Variants in PEX5L observed in about 807,000 individuals in gnomAD.
PEX5L encodes the protein peroxisomal biogenesis factor 5 like, also known as PEX5-related protein.
PEX5L carries 30 observed loss-of-function variants against 84.0 expected under a neutral mutation model. The observed-to-expected ratio is 0.36, with a 90% CI of 0.27 to 0.48. PEX5L has a LOEUF of 0.48. PEX5L is among the 20% of genes least tolerant of loss of function. PEX5L has a pLI of 0.99. For synonymous variants in PEX5L, 270 were observed against 283.1 expected, an observed-to-expected ratio of 0.95 and a Z score of 0.46; for missense variants, 533 against 754.6, an observed-to-expected ratio of 0.71 and a Z score of 3.44.
intron 1 of PEX5L, among the ~76,000 whole-genome samples, chr3:179,984,527 G>T (rs1786625155): frequency 6.6e-6 from 1 of 151,942 alleles, no homozygotes; most frequent in Non-Finnish European, 1.5e-5. Context: ...AGATCTTTGG[G>T]GTATTCAATA....
At chr3:179,882,404 G>C (rs73176208) in intron 4 of PEX5L, among the ~76,000 whole-genome samples, 1,541 of 152,302 alleles carry the variant, frequency 0.01, 17 homozygotes, top group Non-Finnish European at 0.016. Flanking sequence ...TCCTGTATTT[G>C]TTCTGAGCTC....
chr3:179,840,738 G>A (rs2109350696), intron 8 of PEX5L, among the ~76,000 whole-genome samples: 1 of 152,276 alleles, frequency 6.6e-6, no homozygotes, highest in East Asian at 1.9e-4. Context: ...TGCTGCATTA[G>A]CTGGGAGCCT....
intron 8 of PEX5L, among the ~76,000 whole-genome samples, chr3:179,839,595 G>T (rs754107683): frequency 1.3e-5 from 2 of 152,150 alleles, no homozygotes; most frequent in Non-Finnish European, 2.9e-5. Flanking sequence ...ATTCACAGAA[G>T]GTTGAGTTCT....
At chr3:179,924,280 G>A (rs1034882385) in intron 2 of PEX5L, among the ~76,000 whole-genome samples, 2 of 152,116 alleles carry the variant, frequency 1.3e-5, no homozygotes, top group South Asian at 2.1e-4. Context: ...TCTCTGCCAC[G>A]TACTGTAGTT....
intron 2 of PEX5L, among the ~76,000 whole-genome samples, chr3:179,944,309 T>C (rs1776936293): frequency 6.6e-6 from 1 of 152,198 alleles, no homozygotes; most frequent in Non-Finnish European, 1.5e-5. Flanking sequence ...AAGAGACTTT[T>C]GCTCAACAAA....
intron 14 of PEX5L, among the ~76,000 whole-genome samples, chr3:179,807,449 C>T (rs1158921876): frequency 3.3e-5 from 5 of 152,164 alleles, no homozygotes; most frequent in Non-Finnish European, 7.3e-5. Context: ...TCTGCATTTC[C>T]CAAGATGCGG....
chr3:180,008,293 A>T (rs945784091), intron 1 of PEX5L, among the ~76,000 whole-genome samples: 2 of 152,222 alleles, frequency 1.3e-5, no homozygotes, highest in African/African-American at 4.8e-5. Flanking sequence ...AGTTCCCAAC[A>T]AGTGCCTCAT....
chr3:179,819,981 G>A lies in PEX5L; in HGVS notation c.823-5C>T, dbSNP rs761953253. 3 of 1,612,820 alleles carry A rather than the reference G, an allele frequency of 1.9e-6. No individual in the cohort carries two copies. The Admixed American group carries it at 5.0e-5, about 27-fold the overall frequency. ...ATCCCAAAACTCTGTATCTGACTGG[G>A]AGACAGGAAAAATGAATGGAGATGG... On this transcript the variant is annotated splice_region_variant and splice_polypyrimidine_tract_variant and intron_variant, in intron 8 of 14. Transcript: ENST00000467460.
chr3:179,809,578 G>A lies in PEX5L; in HGVS notation c.1245C>T (p.Asp415=), dbSNP rs968449423. The change falls in exon 12 of 15, where the codon GAC becomes GAT. Residue 415 remains aspartate (D), a synonymous_variant. Coordinates refer to ENST00000467460, the MANE Select transcript of PEX5L (RefSeq NM_016559.3). ...TNTGHQQDAC[D]ALKNWIKQNP... ...TTTGCTTAATCCAATTCTTCAGAGC[G>A]TCACAGGCATCCTGCTGATGGCCAG... is the stretch of plus-strand genomic sequence containing the variant. 6.2e-7 allele frequency: 1 copy of A among 1,613,450 alleles called. No homozygotes were observed. The highest frequency in any genetic ancestry group is 8.5e-7 in the Non-Finnish European group (1 of 1,179,632).
chr3:179,875,554 G>A, intron 5 of PEX5L, 77 bp from the exon 6 acceptor site: 2 of 967,980 alleles, frequency 2.1e-6, no homozygotes, highest in Non-Finnish European at 1.6e-6. Context: ...GGAGTGGGGT[G>A]AGGGTGGAGC....
At chr3:180,005,088 T>C (rs969561960) in intron 1 of PEX5L, among the ~76,000 whole-genome samples, 2 of 152,166 alleles carry the variant, frequency 1.3e-5, no homozygotes, top group African/African-American at 4.8e-5. Context: ...GTAACTTTTT[T>C]TCTTATAACA....
At chr3:179,860,951 A>G (rs1347687483) in intron 7 of PEX5L, among the ~76,000 whole-genome samples, 1 of 152,212 alleles carries the variant, frequency 6.6e-6, no homozygotes, top group Non-Finnish European at 1.5e-5. Flanking sequence ...CAGAAAACAG[A>G]GAAAGGCTGC....
chr3:179,898,545 A>G (rs969353012), intron 2 of PEX5L, among the ~76,000 whole-genome samples: 4 of 152,142 alleles, frequency 2.6e-5, no homozygotes, highest in African/African-American at 9.7e-5. Context: ...ATTTTTTGTA[A>G]TATCAATTTA....
chr3:179,998,504 G>A (rs1378971447), intron 1 of PEX5L, among the ~76,000 whole-genome samples: 2 of 152,170 alleles, frequency 1.3e-5, no homozygotes, highest in Non-Finnish European at 2.9e-5. Flanking sequence ...TCACAGAGGA[G>A]GCCTCTAGGA....
chr3:179,932,421 CA>C (rs1773362084), intron 2 of PEX5L, among the ~76,000 whole-genome samples: 1 of 151,886 alleles, frequency 6.6e-6, no homozygotes, highest in Non-Finnish European at 1.5e-5. Context: ...AAAATTAGAC[CA>C]AAAAAGTCCC....
At chr3:179,937,530 T>C (rs762641646) in intron 2 of PEX5L, among the ~76,000 whole-genome samples, 1 of 152,188 alleles carries the variant, frequency 6.6e-6, no homozygotes, top group Non-Finnish European at 1.5e-5. Flanking sequence ...CATAATAATA[T>C]AATGACCAAT....
intron 2 of PEX5L, among the ~76,000 whole-genome samples, chr3:179,943,657 A>G (rs1326082852): frequency 6.6e-6 from 1 of 152,232 alleles, no homozygotes; most frequent in African/African-American, 2.4e-5. Flanking sequence ...GAGAATCACA[A>G]TAAGACAGCA....
intron 3 of PEX5L, among the ~76,000 whole-genome samples, chr3:179,891,196 T>G (rs1757516789): frequency 6.6e-6 from 1 of 152,168 alleles, no homozygotes; most frequent in African/African-American, 2.4e-5. Flanking sequence ...GTCTTGTTTC[T>G]GACCATAGTT....
In PEX5L at chr3:179,888,100, G is replaced by A. The variant is rs140180872; in HGVS notation, c.199-316C>T. On this transcript the variant is annotated intron_variant, in intron 3 of 14. Coordinates refer to ENST00000467460, the MANE Select transcript of PEX5L (RefSeq NM_016559.3). ...ACACGTATTGAATCATAGTTGCTAA[G>A]GGCCAATCCCACTCCTCACCTGGAC... The A allele has an allele frequency of 1.0e-3, 1,288 of 1,258,794 alleles. 3 individuals carry two copies. Among genetic ancestry groups the A allele is most frequent in the Non-Finnish European group, 1.3e-3 (1,219 of 958,956 alleles). 78.0% of individuals were successfully genotyped at this position (1,258,794 alleles called of 1,614,324 possible).
Sources: gnomAD v4.1 joint callset for allele counts (sites outside exome capture counted in the v4.1 genomes callset) on GRCh38, gnomAD v4.1.1 for gene constraint, MANE v1.5 for transcripts, NCBI Gene and HGNC (gene_info 2026-07-23, HGNC 2026-07-21) for gene names.